TUG1: variants seen among roughly 807,000 people sequenced by gnomAD.
TUG1 encodes taurine up-regulated 1, also known as taurine upregulated gene 1.
At chr22:30,978,122 C>T (rs908608455) in exon 3 of TUG1, 4 of 152,192 alleles carry the variant, frequency 2.6e-5, no homozygotes, top group Admixed American at 6.5e-5. Flanking sequence ...TTACAGCTGA[C>T]TCAAATTGCC....
exon 3 of TUG1, chr22:30,977,081 T>A (rs2041297027): frequency 6.6e-6 from 1 of 152,206 alleles, no homozygotes; most frequent in Non-Finnish European, 1.5e-5. Context: ...CCTCTAATCC[T>A]GCCATACTCA....
At chr22:30,978,514 A>G (rs1486053714) in exon 3 of TUG1, 2 of 151,970 alleles carry the variant, frequency 1.3e-5, no homozygotes, top group African/African-American at 4.8e-5. Flanking sequence ...ACCTCTTCCT[A>G]TTTTCAGTCT....
chr22:30,974,457 A>G (rs1211874124), intron 2 of TUG1: 2 of 152,104 alleles, frequency 1.3e-5, no homozygotes, highest in Non-Finnish European at 2.9e-5. Flanking sequence ...ATTCCATCTA[A>G]TGGAATGCAG....
intron 2 of TUG1, chr22:30,974,281 G>T (rs2041263190): frequency 6.8e-6 from 1 of 147,704 alleles, no homozygotes; most frequent in Non-Finnish European, 1.5e-5. Flanking sequence ...GAGGTATAGT[G>T]TATTAAAGGA....
exon 3 of TUG1, chr22:30,978,083 A>G (rs1443848660): frequency 6.6e-6 from 1 of 152,290 alleles, no homozygotes; most frequent in East Asian, 1.9e-4. Context: ...ACCTAGCAAA[A>G]GAAGAAAAGT....
exon 3 of TUG1, chr22:30,978,233 CTG>C (rs938535779): frequency 3.0e-4 from 45 of 152,312 alleles, no homozygotes; most frequent in African/African-American, 1.1e-3. Flanking sequence ...TGTGTTGAAA[CTG>C]TGGTTTCATC....
exon 2 of TUG1, chr22:30,973,247 T>G (rs1464370135): frequency 6.6e-6 from 1 of 152,246 alleles, no homozygotes; most frequent in East Asian, 1.9e-4. Context: ...TTATTAATGC[T>G]CTCTGAAGAA....
chr22:30,979,137 A>G (rs2041321406), exon 3 of TUG1: 1 of 152,212 alleles, frequency 6.6e-6, no homozygotes, highest in Non-Finnish European at 1.5e-5. Flanking sequence ...TAAAATGAAT[A>G]AAGTACATTC....
chr22:30,975,738 A>G (rs2041280896), exon 3 of TUG1: 1 of 152,212 alleles, frequency 6.6e-6, no homozygotes, highest in South Asian at 2.1e-4. Flanking sequence ...CTTGAAGTAC[A>G]TGACTTTGAA....
exon 1 of TUG1, chr22:30,969,440 TCTC>T (rs1555947957): frequency 6.6e-6 from 1 of 152,110 alleles, no homozygotes; most frequent in Non-Finnish European, 1.5e-5. Flanking sequence ...GGCGGCTCTT[TCTC>T]CTGCTCTGGC....
chr22:30,978,636 G>T (rs949637810), exon 3 of TUG1: 2 of 152,076 alleles, frequency 1.3e-5, no homozygotes, highest in African/African-American at 2.4e-5. Context: ...CTTTACTGAG[G>T]GTGCTTTAGC....
exon 3 of TUG1, chr22:30,975,766 A>G (rs997426434): frequency 6.6e-6 from 1 of 152,218 alleles, no homozygotes; most frequent in African/African-American, 2.4e-5. Context: ...CCCTCCATGA[A>G]TACCTGAATT....
exon 2 of TUG1, chr22:30,973,468 TACTC>T (rs1421509826): frequency 2.6e-5 from 4 of 152,198 alleles, no homozygotes; most frequent in African/African-American, 9.7e-5. Flanking sequence ...TCTTTGGAAT[TACTC>T]AGGAACCAGA....
intron 1 of TUG1, 167 bp downstream of exon 1, chr22:30,971,946 C>T (rs1256822901): frequency 3.3e-5 from 5 of 152,200 alleles, no homozygotes; most frequent in Non-Finnish European, 7.3e-5. Context: ...CCTAACTAGC[C>T]AGAATAGAGC....
At chr22:30,975,401 G>A (rs2041276917) in exon 3 of TUG1, 2 of 152,240 alleles carry the variant, frequency 1.3e-5, no homozygotes. Flanking sequence ...AACACAGTTT[G>A]AAAACCACTG....
exon 1 of TUG1, chr22:30,971,741 C>T (rs1237195551): frequency 2.0e-5 from 3 of 152,928 alleles, no homozygotes; most frequent in African/African-American, 7.2e-5. Flanking sequence ...TCCAGACCCT[C>T]AGTGCAAACT....
intron 1 of TUG1, chr22:30,971,991 T>C (rs1378255499): frequency 6.6e-6 from 1 of 152,264 alleles, no homozygotes; most frequent in Non-Finnish European, 1.5e-5. Flanking sequence ...ATGTATCCTC[T>C]ATCTGTATAC....
exon 3 of TUG1, chr22:30,978,055 C>T (rs1156969192): frequency 6.6e-6 from 1 of 152,216 alleles, no homozygotes; most frequent in Admixed American, 6.5e-5. Context: ...CCAGTACACA[C>T]AGAACTGTAC....
In TUG1 at chr22:30,976,969, A is replaced by G. The variant is rs1272500017; in HGVS notation, c.*4494A>G. 1.3e-5 allele frequency: 2 copies of G among 152,128 alleles called. 1 individual carries two copies. Among genetic ancestry groups the G allele is most frequent in the Non-Finnish European group, 2.9e-5 (2 of 68,022 alleles). The allele number at this position is 152,128 out of a possible 1,614,324, so 9.4% of individuals were successfully genotyped here. ...TACAACTATTATTTGTTAAGAAGAA[A>G]TTATCGTCAATTTTCTACTACCTTC... On this transcript the variant is annotated 3_prime_UTR_variant, in exon 3 of 3. Coordinates refer to ENST00000644773, the Ensembl canonical transcript of TUG1.
Sources: allele counts gnomAD v4.1 joint callset, GRCh38; gene constraint gnomAD v4.1.1; transcripts MANE v1.5; gene names NCBI Gene and HGNC (gene_info 2026-07-23, HGNC 2026-07-21).